Variants in TTN observed in about 807,000 individuals in gnomAD.
The protein encoded by TTN is connectin.
A neutral mutation model predicts 3,223.0 loss-of-function variants in TTN; 1,525 were observed. The ratio of observed to expected loss-of-function variants is 0.47; its 90% CI spans 0.45 to 0.49. The LOEUF is 0.49. Among genes scored for constraint, TTN ranks in the 20% least tolerant of loss-of-function variants. The probability of loss-of-function intolerance (pLI) is 0.00; values close to 1 mark genes in which losing one functional copy is unlikely to be tolerated. For synonymous variants in TTN, 14,094 were observed against 15,161.0 expected, an observed-to-expected ratio of 0.93 and a Z score of 5.17; for missense variants, 40,786 against 43,424.0, an observed-to-expected ratio of 0.94 and a Z score of 5.40.
Position 178,585,331 on chromosome 2 carries a change from A to C in TTN, c.64413T>G (p.Leu21471=). The part of the protein sequence containing the change: ...AKEQLLPPKI[L]MPEQITIKAG... ...CTTTGATAGTTATTTGCTCTGGCAT[A>C]AGGATCTTTGGTGGCACTGAAAGTA... The change falls in exon 309 of 363, where the codon CTT becomes CTG. Residue 21471 remains leucine (L), a synonymous_variant. Coordinates refer to ENST00000589042, the MANE Select transcript of TTN (RefSeq NM_001267550.2). 6.3e-7 allele frequency: 1 copy of C among 1,591,970 alleles called. No homozygotes were observed. Among genetic ancestry groups the C allele is most frequent in the Non-Finnish European group, 8.5e-7 (1 of 1,171,022 alleles).
Position 178,579,202 on chromosome 2 carries a change from C to T in TTN, c.67828G>A (p.Val22610Met). The T allele has an allele frequency of 1.2e-6, 2 of 1,613,450 alleles. No homozygotes were observed. The highest frequency in any genetic ancestry group is 1.7e-6 in the Non-Finnish European group (2 of 1,179,578). Residue 22610 changes from valine to methionine, a missense_variant, in exon 320 of 363, where the codon GTG becomes ATG. Physicochemically the swap from Val to Met is conservative, Grantham distance 21. Coordinates refer to ENST00000589042, the MANE Select transcript of TTN (RefSeq NM_001267550.2). ...GCATCAGATTTTTGGCAATCGTACACTATAAGAGTTGTGTTAACCGCAGAT... is the reference window on the plus strand; with the variant it reads ...GCATCAGATTTTTGGCAATCGTACATTATAAGAGTTGTGTTAACCGCAGAT... ...ESSAVNTTLI[V>M]YDCQKSDAGK...
chr2:178,671,811 G>A (rs777109399), intron 155 of TTN, among the ~76,000 whole-genome samples, 160 bp downstream of exon 155: 5 of 151,704 alleles, frequency 3.3e-5, no homozygotes, highest in African/African-American at 1.2e-4. Context: ...ATTATACTCC[G>A]TGTGGTTAAG....
rs1235567368 is a variant in TTN at position 178,548,342 on chromosome 2, T to C, written c.93284A>G (p.Glu31095Gly). Reference protein sequence around the residue: ...PYYFRVSAVNEYGVGEPYEMP... With the variant: ...PYYFRVSAVNGYGVGEPYEMP... ...TTCATAGGGCTCACCAACACCATACTCATTTACTGCAGAAACACGGAAATA... is the reference window on the plus strand; with the variant it reads ...TTCATAGGGCTCACCAACACCATACCCATTTACTGCAGAAACACGGAAATA... Residue 31095 changes from glutamate (E) to glycine (G), a missense_variant, in exon 339 of 363, where the codon GAG becomes GGG. By Grantham distance (98) the Glu-to-Gly change is moderately conservative. Transcript: ENST00000589042. The surrounding 1 kb of genome is among the most constrained non-coding windows in gnomAD (Gnocchi z 4.3). 2 of 1,613,746 alleles carry C rather than the reference T, an allele frequency of 1.2e-6. No individual in the cohort carries two copies. The highest frequency in any genetic ancestry group is 1.7e-6 in the Non-Finnish European group (2 of 1,179,824).
intron 201 of TTN, 49 bp downstream of exon 201, chr2:178,652,604 A>T (rs1354479511): frequency 6.2e-7 from 1 of 1,611,982 alleles, no homozygotes; most frequent in Admixed American, 1.7e-5. Flanking sequence ...AAATATTTTC[A>T]AGAGTAGAAG....
Position 178,594,066 on chromosome 2 carries a change from C to T in TTN, c.58327G>A (p.Ala19443Thr). Reference sequence around the variant, plus strand: ...CGTTTGGCCTTGATCTTCTCTAAAGCAAGTGTTGCTGGTGTAGTCTTTATA... The same window carrying T: ...CGTTTGGCCTTGATCTTCTCTAAAGTAAGTGTTGCTGGTGTAGTCTTTATA... Reference protein sequence around the residue: ...THIKTTPATLALEKIKAKRSD... With the variant: ...THIKTTPATLTLEKIKAKRSD... Residue 19443 changes from alanine (A) to threonine (T), a missense_variant, in exon 297 of 363, where the codon GCT (alanine) becomes ACT (threonine). Transcript: ENST00000589042. The T allele has an allele frequency of 6.2e-7, 1 of 1,613,498 alleles. No homozygotes were observed. Among genetic ancestry groups the T allele is most frequent in the South Asian group, 1.1e-5 (1 of 91,072 alleles).
At position 178,710,677 on chromosome 2, in the gene TTN, C is replaced by A; in HGVS notation, c.28420G>T (p.Glu9474Ter). ...GCTGTGCAAGAGTCTTTTCCCACTT[C>A]ATTCACAGCATAGCAGGTATATTGT... ...SGQYTCYAVN[E>*]VGKDSCTAQL... is the part of the protein sequence containing the mutation. The change falls in exon 98 of 363, where the codon GAA becomes TAA. Residue 9474 changes from glutamate (E) to a stop codon, truncating the protein, a stop_gained. Transcript: ENST00000589042. LOFTEE classifies it high-confidence loss of function. 1 of 1,613,118 alleles carries A rather than the reference C, an allele frequency of 6.2e-7. No individual in the cohort carries two copies. The highest frequency in any genetic ancestry group is 8.5e-7 in the Non-Finnish European group (1 of 1,179,732).
At position 178,561,132 on chromosome 2, in the gene TTN, C is replaced by T; in HGVS notation, c.85000G>A (p.Asp28334Asn). Residue 28334 changes from aspartate to asparagine, a missense_variant, in exon 326 of 363, where the codon GAC becomes AAC. Physicochemically the swap from Asp to Asn is conservative, Grantham distance 23 (BLOSUM62 1). Transcript: ENST00000589042. ...GATTCAGATGGCTCACTAACTGAGT[C>T]AGCAGCATTCCTTGCAAAAACCCGG... ...EFRVFARNAADSVSEPSESTG... is the reference protein window; with the variant it reads ...EFRVFARNAANSVSEPSESTG... 6.2e-7 allele frequency: 1 copy of T among 1,613,794 alleles called. No homozygotes were observed. Among genetic ancestry groups the T allele is most frequent in the South Asian group, 1.1e-5 (1 of 91,072 alleles).
chr2:178,588,170 A>G lies in TTN; in HGVS notation c.63237T>C (p.His21079=). ...TNFRVVDTTK[H]SITLGWGKPV... Reference sequence around the variant, plus strand: ...GTTTTCCCCACCCAAGAGTTATGGAATGTTTGGTTGTATCAACCACTCTGA... The same window carrying G: ...GTTTTCCCCACCCAAGAGTTATGGAGTGTTTGGTTGTATCAACCACTCTGA... The change falls in exon 305 of 363, where the codon CAT becomes CAC. Residue 21079 remains histidine (H), a synonymous_variant. Coordinates refer to ENST00000589042, the MANE Select transcript of TTN (RefSeq NM_001267550.2). The G allele has an allele frequency of 6.2e-7, 1 of 1,604,060 alleles. No individual in the cohort carries two copies. Among genetic ancestry groups the G allele is most frequent in the Middle Eastern group, 1.7e-4 (1 of 6,002 alleles).
At chr2:178,554,243 G>A (rs1012362813) in intron 332 of TTN, 27 bp from the exon 333 acceptor site, 3 of 1,545,928 alleles carry the variant, frequency 1.9e-6, no homozygotes, top group South Asian at 2.5e-5. Context: ...GGAAAACAAG[G>A]TACAAGAATC....
chr2:178,731,997 A>G, intron 57 of TTN, 26 bp from the exon 58 acceptor site: 1 of 1,593,722 alleles, frequency 6.3e-7, no homozygotes, highest in Non-Finnish European at 8.6e-7. Flanking sequence ...AATGATTTGC[A>G]TTAAGGGAGG....
Position 178,547,713 on chromosome 2 carries a change from C to T in TTN, c.93913G>A (p.Val31305Ile), listed in dbSNP as rs763095452. The change falls in exon 339 of 363, where the codon GTC (valine) becomes ATC (isoleucine). Residue 31305 changes from valine to isoleucine, a missense_variant. Val to Ile is a conservative substitution (Grantham distance 29, BLOSUM62 3). Coordinates refer to ENST00000589042, the MANE Select transcript of TTN (RefSeq NM_001267550.2). ...GVKTFSVTVV[V>I]IGRPGPVTGP... ...GTTACTGGACCTGGCCTTCCAATGA[C>T]CACAACTGTGACGCTAAATGTTTTA... The T allele has an allele frequency of 6.2e-7, 1 of 1,613,902 alleles. No individual in the cohort carries two copies.
chr2:178,637,143 T>A (rs1419295049), intron 224 of TTN, among the ~76,000 whole-genome samples: 4 of 40,118 alleles, frequency 1.0e-4, no homozygotes, highest in Admixed American at 5.3e-4. Flanking sequence ...TAAAATATAG[T>A]TGGATATATA....
chr2:178,723,461 G>A lies in TTN; in HGVS notation c.21639C>T (p.Asn7213=). Residue 7213 remains asparagine (N), a synonymous_variant, in exon 74 of 363, where the codon AAC becomes AAT. Coordinates refer to ENST00000589042, the MANE Select transcript of TTN (RefSeq NM_001267550.2). ...TAGTGCAAGATGCTTGGCCAGCGTT[G>A]TTAGAAACCACACAGGTGTATTCCC... The part of the protein sequence containing the change: ...QSGEYTCVVS[N]NAGQASCTTR... 1 of 1,613,270 alleles carries A rather than the reference G, an allele frequency of 6.2e-7. No homozygotes were observed.
In TTN at chr2:178,611,796, C is replaced by G. The variant is rs755391418; in HGVS notation, c.50513G>C (p.Ser16838Thr). Residue 16838 changes from serine to threonine, a missense_variant, in exon 268 of 363, where the codon AGT becomes ACT. Coordinates refer to ENST00000589042, the MANE Select transcript of TTN (RefSeq NM_001267550.2). The stretch of plus-strand genomic sequence containing the variant: ...AATGGATAGGATTTCTGTGGGTTCA[C>G]TTGGGTGGCCAACTCCAGCTTCATT... ...AENEAGVGHP[S>T]EPTEILSIED... 4.3e-6 allele frequency: 7 copies of G among 1,612,712 alleles called. No individual in the cohort carries two copies. Among genetic ancestry groups the G allele is most frequent in the Non-Finnish European group, 5.9e-6 (7 of 1,179,258 alleles).
intron 96 of TTN, 120 bp from the exon 97 acceptor site, chr2:178,711,469 T>C: frequency 8.8e-7 from 1 of 1,141,960 alleles, no homozygotes. Flanking sequence ...ATTATTAATG[T>C]CTCTTGAATT....
chr2:178,549,535 T>C (rs779062990), intron 338 of TTN, 35 bp downstream of exon 338: 1 of 1,595,232 alleles, frequency 6.3e-7, no homozygotes, highest in South Asian at 1.1e-5. Flanking sequence ...GTTAAACTTT[T>C]GACATAGTAC....
intron 263 of TTN, 102 bp from the exon 264 acceptor site, chr2:178,613,378 G>C: frequency 1.0e-6 from 1 of 1,003,760 alleles, no homozygotes; most frequent in Non-Finnish European, 1.4e-6. Context: ...ATTGTGAAAA[G>C]GTGATTTGGA....
In TTN at chr2:178,559,566, C is replaced by G. The variant is rs747235124; in HGVS notation, c.86566G>C (p.Asp28856His). 1 of 1,613,862 alleles carries G rather than the reference C, an allele frequency of 6.2e-7. No individual in the cohort carries two copies. Among genetic ancestry groups the G allele is most frequent in the Non-Finnish European group, 8.5e-7 (1 of 1,179,780 alleles). The change falls in exon 326 of 363, where the codon GAT becomes CAT. Residue 28856 changes from aspartate to histidine, a missense_variant. Coordinates refer to ENST00000589042, the MANE Select transcript of TTN (RefSeq NM_001267550.2). ...PGPPTNITVQ[D>H]VTKESAVLSW... ...AACACTGCAGACTCTTTGGTTACAT[C>G]TTGCACAGTAATGTTGGTTGGAGGA...
Position 178,776,816 on chromosome 2 carries a change from C to T in TTN, c.5048G>A (p.Arg1683Gln), listed in dbSNP as rs368122582. The T allele has an allele frequency of 4.3e-5, 70 of 1,614,118 alleles. No individual in the cohort carries two copies. Among genetic ancestry groups the T allele is most frequent in the South Asian group, 1.4e-4 (13 of 91,086 alleles). Residue 1683 changes from arginine to glutamine, a missense_variant, in exon 28 of 363, where the codon CGA becomes CAA. By Grantham distance (43) the Arg-to-Gln change is conservative. Coordinates refer to ENST00000589042, the MANE Select transcript of TTN (RefSeq NM_001267550.2). Reference protein sequence around the residue: ...AAPELEPLHLRYGQEQWEEGD... With the variant: ...AAPELEPLHLQYGQEQWEEGD... ...TTCTTCCCATTGCTCTTGGCCATAT[C>T]GCAAATGGAGGGGCTCCAGTTCTGG...
Sources: gnomAD v4.1 joint callset for allele counts (sites outside exome capture counted in the v4.1 genomes callset) on GRCh38, gnomAD v4.1.1 for gene constraint, Gnocchi (gnomAD v3.1) non-coding constraint, MANE v1.5 for transcripts, NCBI Gene and HGNC (gene_info 2026-07-23, HGNC 2026-07-21) for gene names.